Variants in SULT6B1 observed in about 807,000 individuals in gnomAD.
SULT6B1 encodes the protein sulfotransferase family 6B member 1.
SULT6B1 carries 44 observed loss-of-function variants against 37.2 expected under a neutral mutation model. The ratio of observed to expected loss-of-function variants is 1.18; its 90% CI spans 0.93 to 1.52. The LOEUF (loss-of-function observed/expected upper bound fraction) is 1.52. SULT6B1 is among the 40% of genes most tolerant of loss of function. SULT6B1 has a pLI of 0.00. For missense variants in SULT6B1, 450 were observed against 361.0 expected (o/e 1.25, Z -2.00); for synonymous variants, 140 against 126.0 (o/e 1.11, Z -0.74).
chr2:37,194,973 A>C (rs1676879682), intron 1 of SULT6B1, among the ~76,000 whole-genome samples: 1 of 139,622 alleles, frequency 7.2e-6, no homozygotes, highest in African/African-American at 2.7e-5. Context: ...TTTTTGAGAC[A>C]CAGTCTTACT....
intron 6 of SULT6B1, among the ~76,000 whole-genome samples, chr2:37,169,520 G>T (rs188228577): frequency 2.3e-4 from 35 of 152,114 alleles, no homozygotes; most frequent in African/African-American, 7.7e-4. Context: ...GACAGAGTCT[G>T]GCTCTGTCAC....
At position 37,172,855 on chromosome 2, in the gene SULT6B1, C is replaced by G. The variant is rs1034515856; in HGVS notation, c.625-1265G>C. ...GTTTGTTTGTTTGTTTTTGGTTTTT[C>G]GTTTGTTTGTTTTTTGAGATGGAGT... On this transcript the variant is annotated intron_variant, in intron 5 of 6. Coordinates refer to ENST00000535679, the MANE Select transcript of SULT6B1 (RefSeq NM_001367551.1). Among the ~76,000 whole-genome samples, 18 of 137,992 alleles carry G rather than the reference C, an allele frequency of 1.3e-4. No individual in the cohort carries two copies. In the East Asian group the frequency reaches 3.6e-3, roughly 28 times the overall value. 90.5% of individuals were successfully genotyped at this position (137,992 alleles called of 152,430 possible). A position where few individuals can be genotyped will look rare whatever the true frequency, so the allele number is the denominator to read the frequency against.
At chr2:37,186,910 G>T (rs1558451858) in intron 2 of SULT6B1, among the ~76,000 whole-genome samples, 1 of 152,060 alleles carries the variant, frequency 6.6e-6, no homozygotes, top group Non-Finnish European at 1.5e-5. Flanking sequence ...AGAAATCATG[G>T]TTTACTAGGA....
intron 2 of SULT6B1, among the ~76,000 whole-genome samples, chr2:37,184,735 G>A (rs1676633113): frequency 6.6e-6 from 1 of 152,168 alleles, no homozygotes; most frequent in Non-Finnish European, 1.5e-5. Flanking sequence ...AGGAGGCTGA[G>A]GCAGGAGAAT....
At chr2:37,187,134 T>C (rs1676690837) in intron 2 of SULT6B1, among the ~76,000 whole-genome samples, 1 of 152,224 alleles carries the variant, frequency 6.6e-6, no homozygotes, top group Non-Finnish European at 1.5e-5. Flanking sequence ...CCCTTGACCT[T>C]GGGCAAGTCC....
At chr2:37,181,389 T>C (rs778960684) in intron 3 of SULT6B1, among the ~76,000 whole-genome samples, 11 of 152,144 alleles carry the variant, frequency 7.2e-5, no homozygotes, top group Non-Finnish European at 1.5e-4. Flanking sequence ...CTCTTGTTTT[T>C]TGTTGTTTTT....
At chr2:37,191,612 A>G (rs1280790898), upstream of SULT6B1, among the ~76,000 whole-genome samples, 1 of 152,194 alleles carries the variant, frequency 6.6e-6, no homozygotes, top group African/African-American at 2.4e-5. Context: ...CTGAAAACCA[A>G]AGAGTGAGAA....
intron 5 of SULT6B1, 108 bp from the exon 6 acceptor site, chr2:37,171,698 T>C: frequency 1.1e-6 from 1 of 949,044 alleles, no homozygotes; most frequent in Non-Finnish European, 1.6e-6. Context: ...CCCTAGTTCA[T>C]CTCATCCCCC....
chr2:37,183,546 G>A (rs1676601459), intron 2 of SULT6B1, 32 bp from the exon 3 acceptor site: 21 of 1,517,778 alleles, frequency 1.4e-5, no homozygotes, highest in Non-Finnish European at 1.8e-5. Flanking sequence ...GTGAAAATGT[G>A]CACGTGTGTG....
rs1356694506 is a variant in SULT6B1, at chr2:37,188,574, G to A, written c.67C>T (p.Leu23Phe). The A allele has an allele frequency of 1.9e-6, 3 of 1,578,662 alleles. No individual in the cohort carries two copies. The African/African-American group carries it at 4.0e-5, about 21-fold the overall frequency. ...TGATAGGTGAAAAATAAATGAGAGAGTGCAGTTTCTTTTGATTTTTCTAAA... is the reference window on the plus strand; with the variant it reads ...TGATAGGTGAAAAATAAATGAGAGAATGCAGTTTCTTTTGATTTTTCTAAA... ...EALEKSKETA[L>F]SHLFFTYQGI... Residue 23 changes from leucine to phenylalanine, a missense_variant, in exon 1 of 7, where the codon CTC (leucine) becomes TTC (phenylalanine). Transcript: ENST00000535679.
rs1369884195 is a variant in SULT6B1, at chr2:37,182,405, T to C, written c.402+1020A>G. On this transcript the variant is annotated intron_variant, in intron 3 of 6. Transcript: ENST00000535679. ...AGTAGCTGAGATTACAGGCACGTGC[T>C]ATCACACCTGGCTATTTTTAGTAGG... Among the ~76,000 whole-genome samples the C allele has an allele frequency of 2.0e-5, 3 of 152,068 alleles. No individual in the cohort carries two copies. The East Asian group carries it at 5.8e-4, about 29-fold the overall frequency.
chr2:37,183,640 C>CCT, intron 2 of SULT6B1, 126 bp from the exon 3 acceptor site: 1 of 660,948 alleles, frequency 1.5e-6, no homozygotes, highest in Non-Finnish European at 2.6e-6. Flanking sequence ...ATCTTCTCCT[C>CCT]CTCCTCCAAT....
At chr2:37,193,658 A>G (rs1676834196), upstream of SULT6B1, among the ~76,000 whole-genome samples, 1 of 151,430 alleles carries the variant, frequency 6.6e-6, no homozygotes, top group African/African-American at 2.4e-5. Flanking sequence ...GAAGGAGAAG[A>G]AGGAGAAGAA....
intron 6 of SULT6B1, among the ~76,000 whole-genome samples, chr2:37,168,555 C>T (rs551944346): frequency 2.0e-5 from 3 of 152,292 alleles, no homozygotes; most frequent in Non-Finnish European, 4.4e-5. Flanking sequence ...GACATGTTTT[C>T]TTTACATCAC....
intron 5 of SULT6B1, among the ~76,000 whole-genome samples, chr2:37,173,939 C>G (rs1363035668): frequency 6.6e-6 from 1 of 152,192 alleles, no homozygotes; most frequent in East Asian, 1.9e-4. Flanking sequence ...GCTCAAATCC[C>G]ACGATGGCTT....
chr2:37,184,830 TAA>T (rs551575379), intron 2 of SULT6B1, among the ~76,000 whole-genome samples: 3 of 144,232 alleles, frequency 2.1e-5, no homozygotes, highest in Admixed American at 7.0e-5. Context: ...AGACTCCATT[TAA>T]AAAAAAAAAA....
intron 1 of SULT6B1, chr2:37,194,370 G>A (rs866895675): frequency 4.4e-5 from 16 of 361,568 alleles, no homozygotes; most frequent in Middle Eastern, 1.0e-3. Flanking sequence ...ATGAGCCACC[G>A]TGCCTGGCTG....
intron 5 of SULT6B1, among the ~76,000 whole-genome samples, chr2:37,172,115 A>G (rs10176031): frequency 0.19 from 28,645 of 151,652 alleles, 2,839 homozygotes; most frequent in South Asian, 0.29. Context: ...CAAGGGCACA[A>G]TCACGGCTCA....
rs1270045978 is a variant in SULT6B1 at position 37,175,153 on chromosome 2, T to C, written c.603A>G (p.Ile201Met). Residue 201 changes from isoleucine (I) to methionine (M), a missense_variant, in exon 5 of 7, where the codon ATA becomes ATG. Transcript: ENST00000535679. ...KHLDGDNVKF[I>M]LYEDLKENLA... ...TCACCTCTTTCAGGTCTTCATATAA[T>C]ATGAACTTAACATTGTCGCCATCAA... 20 of 1,552,546 alleles carry C rather than the reference T, an allele frequency of 1.3e-5. No individual in the cohort carries two copies. Among genetic ancestry groups the C allele is most frequent in the Non-Finnish European group, 1.7e-5 (20 of 1,147,396 alleles).
Sources: gnomAD v4.1 joint callset for allele counts (sites outside exome capture counted in the v4.1 genomes callset) on GRCh38, gnomAD v4.1.1 for gene constraint, MANE v1.5 for transcripts, NCBI Gene and HGNC (gene_info 2026-07-23, HGNC 2026-07-21) for gene names.